PXDNL: variants seen among roughly 807,000 people sequenced by gnomAD.
PXDNL encodes the protein peroxidasin like, also known as probable oxidoreductase PXDNL.
In PXDNL, 145 loss-of-function variants were observed where a neutral mutation model predicts 150.8. The ratio of observed to expected loss-of-function variants is 0.96; its 90% CI spans 0.84 to 1.10. The LOEUF (loss-of-function observed/expected upper bound fraction) is 1.10. Ranked by LOEUF, PXDNL falls within the 50% of genes least tolerant of loss-of-function variation. The probability of loss-of-function intolerance (pLI) is 0.00; values close to 1 mark genes in which losing one functional copy is unlikely to be tolerated. For missense variants in PXDNL, 2,087 were observed against 1,873.9 expected, an observed-to-expected ratio of 1.11 and a Z score of -2.10; for synonymous variants, 757 against 725.7, an observed-to-expected ratio of 1.04 and a Z score of -0.69.
chr8:51,622,921 C>T (rs1206033175), intron 2 of PXDNL, among the ~76,000 whole-genome samples: 1 of 152,162 alleles, frequency 6.6e-6, no homozygotes, highest in African/African-American at 2.4e-5. Context: ...AACGGGGGTG[C>T]TAAGCAGCTT....
intron 2 of PXDNL, among the ~76,000 whole-genome samples, chr8:51,624,155 G>C (rs963449025): frequency 1.4e-5 from 2 of 142,162 alleles, no homozygotes; most frequent in African/African-American, 5.1e-5. Context: ...CTTCTTCCTT[G>C]TCAGAATCCT....
chr8:51,803,822 CTAAT>C (rs1321983868), intron 1 of PXDNL, among the ~76,000 whole-genome samples: 5 of 152,168 alleles, frequency 3.3e-5, no homozygotes, highest in Non-Finnish European at 5.9e-5. Context: ...TCTGTTCAAC[CTAAT>C]TAATGTACAC....
intron 1 of PXDNL, among the ~76,000 whole-genome samples, chr8:51,772,854 C>T (rs766392263): frequency 1.2e-4 from 18 of 152,078 alleles, no homozygotes; most frequent in Non-Finnish European, 2.1e-4. Context: ...CTTGGAGGGT[C>T]CAACTTGGAA....
intron 2 of PXDNL, among the ~76,000 whole-genome samples, chr8:51,633,406 T>C (rs1814533115): frequency 6.6e-6 from 1 of 152,194 alleles, no homozygotes; most frequent in African/African-American, 2.4e-5. Flanking sequence ...CCTTTGGGTA[T>C]ATACCCTGCA....
At chr8:51,736,733 A>C (rs1424145107) in intron 1 of PXDNL, among the ~76,000 whole-genome samples, 1 of 152,250 alleles carries the variant, frequency 6.6e-6, no homozygotes, top group Non-Finnish European at 1.5e-5. Context: ...TTTGTGGTAC[A>C]TAAGGGCAGT....
intron 17 of PXDNL, among the ~76,000 whole-genome samples, chr8:51,401,105 T>C (rs1026820408): frequency 2.6e-5 from 4 of 152,228 alleles, no homozygotes; most frequent in African/African-American, 9.6e-5. Flanking sequence ...TACATACTCT[T>C]GGAACCTGTC....
chr8:51,535,833 G>T (rs1163058782), intron 4 of PXDNL, among the ~76,000 whole-genome samples: 1 of 151,850 alleles, frequency 6.6e-6, no homozygotes, highest in African/African-American at 2.4e-5. Flanking sequence ...TCCTTAAAAA[G>T]AAAAGAATAT....
At chr8:51,700,695 T>G (rs963027211) in intron 1 of PXDNL, among the ~76,000 whole-genome samples, 3 of 151,180 alleles carry the variant, frequency 2.0e-5, no homozygotes, top group African/African-American at 7.3e-5. Flanking sequence ...TGCATACACA[T>G]ACACACAGAC....
intron 1 of PXDNL, among the ~76,000 whole-genome samples, chr8:51,747,660 C>A (rs965407384): frequency 1.3e-5 from 2 of 152,180 alleles, no homozygotes; most frequent in African/African-American, 4.8e-5. Context: ...AATGCTCCAG[C>A]TGTCCAGAAA....
At chr8:51,736,110 A>G (rs1273097501) in intron 1 of PXDNL, among the ~76,000 whole-genome samples, 1 of 152,144 alleles carries the variant, frequency 6.6e-6, no homozygotes, top group African/African-American at 2.4e-5. Context: ...TTTTCCTGTG[A>G]TTTTTATGTC....
intron 1 of PXDNL, among the ~76,000 whole-genome samples, chr8:51,777,561 G>C (rs917031638): frequency 6.6e-6 from 1 of 152,188 alleles, no homozygotes; most frequent in African/African-American, 2.4e-5. Flanking sequence ...AATTTAGTCA[G>C]TACCAAGTAC....
In PXDNL at chr8:51,449,076, A is replaced by G. The variant is rs1809747849; in HGVS notation, c.1292T>C (p.Leu431Pro). 2 of 1,553,130 alleles carry G rather than the reference A, an allele frequency of 1.3e-6. No individual in the cohort carries two copies. The highest frequency in any genetic ancestry group is 1.7e-6 in the Non-Finnish European group (2 of 1,147,604). Residue 431 changes from leucine (L) to proline (P), a missense_variant, in exon 11 of 23, where the codon CTG (leucine) becomes CCG (proline). Transcript: ENST00000356297. ...GAGCCACTCTACAGCATGTTCTTCCAGCACCACTTGATCCTTGGGGGTTAC... is the reference window on the plus strand; with the variant it reads ...GAGCCACTCTACAGCATGTTCTTCCGGCACCACTTGATCCTTGGGGGTTAC... ...FTVTPKDQVV[L>P]EEHAVEWLCE...
chr8:51,801,011 G>A (rs187520562), intron 1 of PXDNL, among the ~76,000 whole-genome samples: 107 of 152,314 alleles, frequency 7.0e-4, no homozygotes, highest in Non-Finnish European at 1.4e-3. Flanking sequence ...ACTGCCTGCG[G>A]GGTTGGGCAG....
At chr8:51,751,688 A>C (rs2037046953) in intron 1 of PXDNL, among the ~76,000 whole-genome samples, 1 of 152,212 alleles carries the variant, frequency 6.6e-6, no homozygotes, top group Non-Finnish European at 1.5e-5. Context: ...AAACTATAAG[A>C]AGCTGGGGCT....
chr8:51,563,165 T>C (rs4498529), intron 3 of PXDNL, among the ~76,000 whole-genome samples: 32,287 of 151,940 alleles, frequency 0.21, 3,748 homozygotes, highest in African/African-American at 0.29. Context: ...GGCAGCCATC[T>C]TAGCCCAGGC....
intron 1 of PXDNL, among the ~76,000 whole-genome samples, chr8:51,696,869 A>ACACACACAGG (rs1816158836): frequency 3.3e-4 from 3 of 9,210 alleles, no homozygotes; most frequent in East Asian, 5.7e-3. Context: ...GTCCACACAC[A>ACACACACAGG]TGTGCACACA....
intron 1 of PXDNL, among the ~76,000 whole-genome samples, chr8:51,767,606 T>G (rs2037245644): frequency 6.6e-6 from 1 of 152,214 alleles, no homozygotes; most frequent in African/African-American, 2.4e-5. Flanking sequence ...TGCCTTAGTC[T>G]TCACTTCCTG....
In PXDNL at chr8:51,457,483, A is replaced by T; in HGVS notation, c.982+15T>A. ...AGTGCAGATAATTGATAGAACTAGA[A>T]AATAATAGTTTTACCTGGAAGACTG... is the stretch of plus-strand genomic sequence containing the variant. On this transcript the variant is annotated intron_variant, in intron 9 of 22. Coordinates refer to ENST00000356297, the MANE Select transcript of PXDNL (RefSeq NM_144651.5). 1 of 1,594,150 alleles carries T rather than the reference A, an allele frequency of 6.3e-7. No homozygotes were observed. The highest frequency in any genetic ancestry group is 1.1e-5 in the South Asian group (1 of 87,458).
At chr8:51,769,495 G>T (rs931648062) in intron 1 of PXDNL, among the ~76,000 whole-genome samples, 1 of 152,164 alleles carries the variant, frequency 6.6e-6, no homozygotes, top group Admixed American at 6.5e-5. Flanking sequence ...CTTTATTCTG[G>T]TTCATGATAT....
Sources: allele counts gnomAD v4.1 joint callset (sites outside exome capture counted in the v4.1 genomes callset), GRCh38; gene constraint gnomAD v4.1.1; transcripts MANE v1.5; gene names NCBI Gene and HGNC (gene_info 2026-07-23, HGNC 2026-07-21).